Variants in NSG1 observed in about 807,000 individuals in gnomAD.
NSG1 encodes neuronal vesicle trafficking associated 1, also known as neuronal vesicle trafficking-associated protein 1.
A neutral mutation model predicts 19.3 loss-of-function variants in NSG1; 9 were observed. The observed-to-expected ratio is 0.47, with a 90% CI of 0.28 to 0.81. NSG1 has a LOEUF of 0.81. NSG1 is among the 40% of genes least tolerant of loss of function. The probability of loss-of-function intolerance (pLI) is 0.11; values close to 1 mark genes in which losing one functional copy is unlikely to be tolerated. For synonymous variants in NSG1, 104 were observed against 107.0 expected (o/e 0.97, Z 0.17); for missense variants, 236 against 242.4 (o/e 0.97, Z 0.18).
intron 3 of NSG1, among the ~76,000 whole-genome samples, chr4:4,397,152 C>CTT (rs75001083): frequency 1.4e-5 from 2 of 139,616 alleles, no homozygotes; most frequent in African/African-American, 2.6e-5. Context: ...AAGTTTTTTC[C>CTT]TTTTTTTTTT....
At chr4:4,399,296 C>G (rs1207914448) in intron 3 of NSG1, among the ~76,000 whole-genome samples, 2 of 152,170 alleles carry the variant, frequency 1.3e-5, no homozygotes, top group African/African-American at 4.8e-5. Flanking sequence ...GCATTCACCA[C>G]CACACCCAGC....
At chr4:4,387,561 C>CCCGGGGGGGGGGGG in intron 1 of NSG1, 43 bp from the exon 2 acceptor site, 2 of 1,141,990 alleles carry the variant, frequency 1.8e-6, no homozygotes, top group Non-Finnish European at 2.5e-6. Flanking sequence ...CGCCCCGCCC[C>CCCGGGGGGGGGGGG]GGGTCTTGCT....
chr4:4,414,586 C>T (rs910515096), intron 4 of NSG1, among the ~76,000 whole-genome samples: 12 of 152,206 alleles, frequency 7.9e-5, no homozygotes, highest in African/African-American at 2.4e-4. Flanking sequence ...CACACACCAA[C>T]GCTAGGCAGC....
At chr4:4,401,385 G>A (rs1165619537) in intron 3 of NSG1, among the ~76,000 whole-genome samples, 4 of 152,076 alleles carry the variant, frequency 2.6e-5, no homozygotes, top group South Asian at 2.1e-4. Flanking sequence ...CATCTTTGTC[G>A]CCGGGCTCGT....
At chr4:4,409,180 G>C (rs766102241) in intron 3 of NSG1, among the ~76,000 whole-genome samples, 1 of 152,206 alleles carries the variant, frequency 6.6e-6, no homozygotes, top group Non-Finnish European at 1.5e-5. Flanking sequence ...GCGGATGCTT[G>C]GCTGGTAGCT....
At chr4:4,408,306 C>T (rs1328965069) in intron 3 of NSG1, among the ~76,000 whole-genome samples, 3 of 152,232 alleles carry the variant, frequency 2.0e-5, no homozygotes, top group East Asian at 1.9e-4. Context: ...CTGGGAGGGG[C>T]GGTGGGGAGC....
chr4:4,405,109 C>T (rs920808553), intron 3 of NSG1, among the ~76,000 whole-genome samples: 1 of 152,186 alleles, frequency 6.6e-6, no homozygotes, highest in African/African-American at 2.4e-5. Context: ...ATCAAGGCTT[C>T]GGCAGAACTG....
intron 3 of NSG1, among the ~76,000 whole-genome samples, chr4:4,407,677 G>A (rs142116121): frequency 1.0e-3 from 153 of 152,310 alleles, no homozygotes; most frequent in African/African-American, 3.4e-3. Context: ...AGACCTCCGG[G>A]AAGTGGAGGC....
At chr4:4,417,201 C>A in intron 4 of NSG1, 34 bp from the exon 5 acceptor site, 1 of 1,595,046 alleles carries the variant, frequency 6.3e-7, no homozygotes, top group African/African-American at 1.3e-5. Flanking sequence ...CCTCTTGCAC[C>A]GACGCGTGCT....
At chr4:4,387,855 G>C (rs1041757693) in intron 2 of NSG1, 97 bp downstream of exon 2, 2 of 1,036,878 alleles carry the variant, frequency 1.9e-6, no homozygotes, top group African/African-American at 3.2e-5. Context: ...CGCTGGGTAC[G>C]CGAAGTGGGG....
Position 4,405,883 on chromosome 4 carries a change from C to T in NSG1, c.247-3690C>T, listed in dbSNP as rs372673961. Among the ~76,000 whole-genome samples the T allele has an allele frequency of 1.4e-4, 21 of 152,172 alleles. No individual in the cohort carries two copies. The East Asian group carries it at 2.1e-3, about 15-fold the overall frequency. On this transcript the variant is annotated intron_variant, in intron 3 of 4. Coordinates refer to ENST00000621129, the MANE Select transcript of NSG1 (RefSeq NM_014392.5). Reference sequence around the variant, plus strand: ...CTTGGCCAGGTTTCGGAGGACACCCCCGAGGAGGTGGTTCCCCCACAGCCC... The same window carrying T: ...CTTGGCCAGGTTTCGGAGGACACCCTCGAGGAGGTGGTTCCCCCACAGCCC...
intron 2 of NSG1, among the ~76,000 whole-genome samples, chr4:4,391,252 G>A (rs1218677043): frequency 6.6e-6 from 1 of 152,206 alleles, no homozygotes; most frequent in Non-Finnish European, 1.5e-5. Flanking sequence ...GTGCCCCTCG[G>A]TTATAATATT....
chr4:4,400,992 G>A (rs1333108570), intron 3 of NSG1, among the ~76,000 whole-genome samples: 1 of 152,204 alleles, frequency 6.6e-6, no homozygotes, highest in Non-Finnish European at 1.5e-5. Flanking sequence ...CTGCCAAAGA[G>A]GTCAATGACA....
At chr4:4,390,467 C>A (rs890068026) in intron 2 of NSG1, among the ~76,000 whole-genome samples, 6 of 152,220 alleles carry the variant, frequency 3.9e-5, no homozygotes, top group African/African-American at 1.4e-4. Context: ...GGCTGACCAT[C>A]CCCAGTTGCT....
chr4:4,413,519 G>T (rs907965222), intron 4 of NSG1, among the ~76,000 whole-genome samples: 2 of 151,332 alleles, frequency 1.3e-5, no homozygotes, highest in Non-Finnish European at 2.9e-5. Context: ...TTCAGGGAAC[G>T]AGGGCAGTGC....
chr4:4,392,208 T>C (rs538785367), intron 3 of NSG1, among the ~76,000 whole-genome samples: 2 of 150,938 alleles, frequency 1.3e-5, no homozygotes, highest in South Asian at 4.2e-4. Context: ...AGCGGGAGGG[T>C]TCCAGCCTGT....
In NSG1 at chr4:4,391,473, AG is replaced by A; in HGVS notation, c.130del. 6.2e-7 allele frequency: 1 copy of A among 1,602,530 alleles called. No homozygotes were observed. The highest frequency in any genetic ancestry group is 2.2e-5 in the East Asian group (1 of 44,750). ...CTTTTGTTTCTCTGTTTCCTGGATAAGGTGGTCGTGAAAACTAAGACCGAGT... is the reference window on the plus strand; with the variant it reads ...CTTTTGTTTCTCTGTTTCCTGGATAAGTGGTCGTGAAAACTAAGACCGAGT... On this transcript the variant is annotated splice_acceptor_variant, in intron 2 of 4. Transcript: ENST00000621129. LOFTEE classifies it high-confidence loss of function.
intron 3 of NSG1, among the ~76,000 whole-genome samples, chr4:4,403,406 G>T (rs1039222359): frequency 6.6e-6 from 1 of 152,184 alleles, no homozygotes; most frequent in Non-Finnish European, 1.5e-5. Context: ...ATCACATGGG[G>T]CTCATGGTCC....
chr4:4,411,771 A>AAAACACAACACAACACAACACAAC lies in NSG1; in HGVS notation c.357+2089_357+2090insAACACAACACAACACAACACAACA, dbSNP rs1724204391. 7.6e-5 allele frequency among the ~76,000 whole-genome samples: 9 copies of AAAACACAACACAACACAACACAAC among 118,390 alleles called. 1 individual carries two copies. The highest frequency in any genetic ancestry group is 3.8e-4 in the African/African-American group (9 of 23,424). 77.7% of individuals were successfully genotyped at this position (118,390 alleles called of 152,430 possible). A position where few individuals can be genotyped will look rare whatever the true frequency, so the allele number is the denominator to read the frequency against. Reference sequence around the variant, plus strand: ...AACAAAACAAAACAAAACAAAACAAAACAAAACAAAACAAAACAAAACATT... The same window carrying AAAACACAACACAACACAACACAAC: ...AACAAAACAAAACAAAACAAAACAAAAAACACAACACAACACAACACAACACAAAACAAAACAAAACAAAACATT... On this transcript the variant is annotated intron_variant, in intron 4 of 4. Transcript: ENST00000621129.
Sources: gnomAD v4.1 joint callset for allele counts (sites outside exome capture counted in the v4.1 genomes callset) on GRCh38, gnomAD v4.1.1 for gene constraint, MANE v1.5 for transcripts, NCBI Gene and HGNC (gene_info 2026-07-23, HGNC 2026-07-21) for gene names.